The following HEXB variants were observed in gnomAD, a reference collection of about 807,000 sequenced individuals.
The protein encoded by HEXB is beta-hexosaminidase subunit beta.
In HEXB, 51 loss-of-function variants were observed where a neutral mutation model predicts 71.2. The ratio of observed to expected loss-of-function variants is 0.72; its 90% CI spans 0.57 to 0.90. The LOEUF (loss-of-function observed/expected upper bound fraction) is 0.90, where lower values mean the gene tolerates loss of function less well. Among genes scored for constraint, HEXB ranks in the 40% least tolerant of loss-of-function variants. The probability of loss-of-function intolerance (pLI) is 0.00; values close to 1 mark genes in which losing one functional copy is unlikely to be tolerated. For synonymous variants in HEXB, 266 were observed against 249.3 expected, an observed-to-expected ratio of 1.07 and a Z score of -0.63; for missense variants, 617 against 677.0, an observed-to-expected ratio of 0.91 and a Z score of 0.98.
chr5:74,659,055 T>A (rs1033991634), intron 1 of HEXB, among the ~76,000 whole-genome samples: 13 of 152,194 alleles, frequency 8.5e-5, no homozygotes, highest in Non-Finnish European at 1.8e-4. Context: ...TTAACTTTCA[T>A]TTTAATATAT....
intron 1 of HEXB, among the ~76,000 whole-genome samples, chr5:74,670,806 C>T (rs1340897366): frequency 6.6e-6 from 1 of 152,156 alleles, no homozygotes; most frequent in Non-Finnish European, 1.5e-5. Context: ...CCTGGTCCAG[C>T]CACAAGACCC....
intron 5 of HEXB, 65 bp from the exon 6 acceptor site, chr5:74,705,154 A>T: frequency 1.1e-6 from 1 of 884,152 alleles, no homozygotes. Flanking sequence ...TTCCAAATGT[A>T]GATAGGTAAT....
intron 6 of HEXB, among the ~76,000 whole-genome samples, chr5:74,706,637 A>G (rs558715192): frequency 5.3e-5 from 8 of 152,258 alleles, no homozygotes; most frequent in Admixed American, 2.6e-4. Context: ...GCACACCAGG[A>G]TATTATATCC....
At position 74,696,844 on chromosome 5, in the gene HEXB, A is replaced by T. The variant is rs1408056361; in HGVS notation, c.558+105A>T. On this transcript the variant is annotated intron_variant, in intron 4 of 13. Coordinates refer to ENST00000261416, the MANE Select transcript of HEXB (RefSeq NM_000521.4). ...CTTCCTGAAGATTTCATTTCCCCAGATATTTGTCTTAGCCGGTAAATGTAA... is the reference window on the plus strand; with the variant it reads ...CTTCCTGAAGATTTCATTTCCCCAGTTATTTGTCTTAGCCGGTAAATGTAA... 1.9e-5 allele frequency: 15 copies of T among 769,316 alleles called. 1 individual carries two copies. Among genetic ancestry groups the T allele is most frequent in the Non-Finnish European group, 3.4e-5 (15 of 442,486 alleles). 47.7% of individuals were successfully genotyped at this position (769,316 alleles called of 1,614,324 possible).
At chr5:74,694,489 A>AT (rs1209406263) in intron 3 of HEXB, among the ~76,000 whole-genome samples, 2 of 152,186 alleles carry the variant, frequency 1.3e-5, no homozygotes, top group African/African-American at 2.4e-5. Context: ...GAGTAACTTG[A>AT]AAAGCTTCTC....
At chr5:74,663,148 T>C (rs1214757749) in intron 1 of HEXB, among the ~76,000 whole-genome samples, 1 of 151,848 alleles carries the variant, frequency 6.6e-6, no homozygotes, top group Non-Finnish European at 1.5e-5. Context: ...AAAGTCAGTG[T>C]CTAATTACAA....
At chr5:74,656,537 AAAT>A (rs142491848) in intron 1 of HEXB, among the ~76,000 whole-genome samples, 10 of 93,258 alleles carry the variant, frequency 1.1e-4, no homozygotes, top group African/African-American at 5.9e-4. Flanking sequence ...AAATAAAATA[AAAT>A]AAAAGTCAGG....
At chr5:74,696,957 A>G (rs768709994) in intron 4 of HEXB, 39 bp from the exon 5 acceptor site, 12 of 1,108,328 alleles carry the variant, frequency 1.1e-5, no homozygotes, top group Non-Finnish European at 1.7e-5. Flanking sequence ...AAGACAACAG[A>G]AAATTCTAAA....
At chr5:74,671,394 A>T (rs922109625) in intron 1 of HEXB, among the ~76,000 whole-genome samples, 2 of 152,076 alleles carry the variant, frequency 1.3e-5, no homozygotes, top group African/African-American at 4.8e-5. Context: ...CAAAATAATT[A>T]TGCTGAGTAA....
In HEXB at chr5:74,693,642, C is replaced by A. The variant is rs148268937; in HGVS notation, c.449C>A (p.Thr150Asn). ...FPNISSDESY[T>N]LLVKEPVAVL... is the part of the protein sequence containing the mutation. Reference sequence around the variant, plus strand: ...TGATTTTAAATCCTCAATACAGATACTTTACTTGTGAAAGAACCAGTGGCT... The same window carrying A: ...TGATTTTAAATCCTCAATACAGATAATTTACTTGTGAAAGAACCAGTGGCT... The change falls in exon 3 of 14, where the codon ACT (threonine) becomes AAT (asparagine). Residue 150 changes from threonine (T) to asparagine (N), a missense_variant. Physicochemically the swap from Thr to Asn is moderately conservative, Grantham distance 65. Transcript: ENST00000261416. The A allele has an allele frequency of 1.7e-3, 2,759 of 1,609,124 alleles. 46 individuals are homozygous for A. In the African/African-American group the frequency reaches 0.031, roughly 18 times the overall value.
At chr5:74,720,178 T>C in intron 11 of HEXB, 1 of 523,444 alleles carries the variant, frequency 1.9e-6, no homozygotes, top group East Asian at 3.5e-5. Context: ...CATTAATCTA[T>C]GGTGCTAACA....
rs1280390394 is a variant in HEXB at position 74,652,921 on chromosome 5, G to C, written c.-377+12363G>C. ...GTGACACATATCCCTTTATATACCA[G>C]TCATTTTTAATGCCCTCTTTGCTTT... On this transcript the variant is annotated intron_variant, in intron 1 of 13. Transcript: ENST00000511181. This position sits in a 1 kb window ranked among gnomAD's most constrained non-coding sequence, Gnocchi z 5.4. 6.6e-6 allele frequency among the ~76,000 whole-genome samples: 1 copy of C among 152,064 alleles called. No homozygotes were observed. Among genetic ancestry groups the C allele is most frequent in the Non-Finnish European group, 1.5e-5 (1 of 68,030 alleles).
intron 1 of HEXB, among the ~76,000 whole-genome samples, chr5:74,659,119 A>G (rs1748273251): frequency 1.2e-5 from 1 of 84,176 alleles, no homozygotes; most frequent in Non-Finnish European, 2.4e-5. Context: ...TAAAACTGGA[A>G]AAAAAAAACT....
chr5:74,667,486 T>TTA, intron 1 of HEXB, among the ~76,000 whole-genome samples: 2 of 152,300 alleles, frequency 1.3e-5, no homozygotes, highest in South Asian at 4.1e-4. Flanking sequence ...TCTTCAGGCA[T>TTA]TACAACAATT....
intron 6 of HEXB, among the ~76,000 whole-genome samples, chr5:74,706,681 G>A (rs1011793455): frequency 6.6e-6 from 1 of 152,216 alleles, no homozygotes; most frequent in Non-Finnish European, 1.5e-5. Flanking sequence ...CGTGCACGGA[G>A]TCTCGCTGAT....
intron 11 of HEXB, among the ~76,000 whole-genome samples, chr5:74,719,521 A>G (rs1749763707): frequency 6.6e-6 from 1 of 152,210 alleles, no homozygotes; most frequent in Admixed American, 6.5e-5. Flanking sequence ...ATTAGCCTTT[A>G]GTGAAAAATC....
upstream of HEXB, among the ~76,000 whole-genome samples, chr5:74,684,153 G>T (rs1266699515): frequency 6.6e-6 from 1 of 152,140 alleles, no homozygotes; most frequent in Non-Finnish European, 1.5e-5. Context: ...TTTCCTTAAA[G>T]CTCTTCCACC....
intron 5 of HEXB, among the ~76,000 whole-genome samples, chr5:74,704,151 C>G (rs1453975043): frequency 6.6e-6 from 1 of 152,158 alleles, no homozygotes; most frequent in Non-Finnish European, 1.5e-5. Flanking sequence ...TGTTAAAAAC[C>G]ATGAGTTTGT....
At chr5:74,680,868 G>A (rs993777664), upstream of HEXB, among the ~76,000 whole-genome samples, 2 of 152,168 alleles carry the variant, frequency 1.3e-5, no homozygotes, top group Non-Finnish European at 2.9e-5. Flanking sequence ...TTAAGCAATG[G>A]TGTTACATGT....
Sources: gnomAD v4.1 joint callset for allele counts (sites outside exome capture counted in the v4.1 genomes callset) on GRCh38, gnomAD v4.1.1 for gene constraint, Gnocchi (gnomAD v3.1) non-coding constraint, MANE v1.5 for transcripts, NCBI Gene and HGNC (gene_info 2026-07-23, HGNC 2026-07-21) for gene names.